Variants in CNTLN observed in about 807,000 individuals in gnomAD.
CNTLN encodes the protein centlein, also known as centlein, centrosomal protein.
CNTLN carries 212 observed loss-of-function variants against 180.0 expected under a neutral mutation model. The ratio of observed to expected loss-of-function variants is 1.18; its 90% CI spans 1.05 to 1.32. CNTLN has a LOEUF of 1.32. Among genes scored for constraint, CNTLN ranks in the 40% most tolerant of loss-of-function variants. The pLI is 0.00. For missense variants in CNTLN, 2,095 were observed against 1,610.9 expected, an observed-to-expected ratio of 1.30 and a Z score of -5.14; for synonymous variants, 722 against 563.1, an observed-to-expected ratio of 1.28 and a Z score of -3.99.
rs57960408 is a variant in CNTLN at position 17,202,646 on chromosome 9, G to GTT, written c.450-23534_450-23533dup. On this transcript the variant is annotated intron_variant, in intron 2 of 25. Coordinates refer to ENST00000380647, the MANE Select transcript of CNTLN (RefSeq NM_017738.4). ...ATCAGAGCCTAGGATTGCAACCTCT[G>GTT]TTTTTTTTTTTTTTTTTTTTTTTTG... 9.2e-3 allele frequency among the ~76,000 whole-genome samples: 654 copies of GTT among 71,306 alleles called. 9 individuals carry two copies. Among genetic ancestry groups the GTT allele is most frequent in the African/African-American group, 0.021 (385 of 18,780 alleles). The allele number at this position is 71,306 out of a possible 152,430, so 46.8% of individuals were successfully genotyped here. A position where few individuals can be genotyped will look rare whatever the true frequency, so the allele number is the denominator to read the frequency against.
intron 2 of CNTLN, among the ~76,000 whole-genome samples, chr9:17,200,095 ATCCTTTTCCCATTGCTTGTTTTTG>A (rs1361956960): frequency 6.6e-6 from 1 of 152,156 alleles, no homozygotes; most frequent in Non-Finnish European, 1.5e-5. Context: ...TAAATAGGGA[ATCCTTTTCCCATTGCTTGTTTTTG>A]TCAGGTTTGG....
At chr9:17,433,457 G>GT (rs1829551884) in intron 18 of CNTLN, among the ~76,000 whole-genome samples, 4 of 151,806 alleles carry the variant, frequency 2.6e-5, no homozygotes, top group Admixed American at 2.6e-4. Flanking sequence ...GCTAATTTTT[G>GT]TATTTTTTAG....
chr9:17,344,712 T>C (rs1821741626), intron 12 of CNTLN, among the ~76,000 whole-genome samples: 1 of 152,202 alleles, frequency 6.6e-6, no homozygotes, highest in African/African-American at 2.4e-5. Context: ...ATCAGTGCTA[T>C]AGTCATTCAA....
chr9:17,373,342 T>C (rs1265960986), intron 13 of CNTLN, among the ~76,000 whole-genome samples: 1 of 152,022 alleles, frequency 6.6e-6, no homozygotes, highest in Non-Finnish European at 1.5e-5. Context: ...GCAAACAATC[T>C]GAAAAAGAAA....
chr9:17,423,835 C>G lies in CNTLN; in HGVS notation c.3114+7646C>G, dbSNP rs1302206995. Among the ~76,000 whole-genome samples, 4 of 152,066 alleles carry G rather than the reference C, an allele frequency of 2.6e-5. No individual in the cohort carries two copies. The East Asian group carries it at 7.7e-4, about 29-fold the overall frequency. ...TGTGACAGGACTTTGCTCTGTCCCC[C>G]AAGCACACAGATTCTCTCTCGGCTC... On this transcript the variant is annotated intron_variant, in intron 18 of 25. Transcript: ENST00000380647.
intron 8 of CNTLN, among the ~76,000 whole-genome samples, chr9:17,329,358 A>G (rs1820498389): frequency 6.6e-6 from 1 of 152,130 alleles, no homozygotes; most frequent in East Asian, 1.9e-4. Context: ...AAAGTTGTAC[A>G]ACGATTAAAA....
At chr9:17,240,137 G>A (rs1335229126) in intron 5 of CNTLN, among the ~76,000 whole-genome samples, 1 of 151,948 alleles carries the variant, frequency 6.6e-6, no homozygotes, top group African/African-American at 2.4e-5. Flanking sequence ...AATTTTTTCA[G>A]TTGTTTTGTA....
At chr9:17,519,400 G>T in the CNTLN span, among the ~76,000 whole-genome samples, 1 of 152,206 alleles carries the variant, frequency 6.6e-6, no homozygotes, top group Middle Eastern at 3.4e-3. Context: ...CTCCAATAAT[G>T]TTTTAAAATG....
At chr9:17,490,920 G>T (rs900720474) in intron 25 of CNTLN, among the ~76,000 whole-genome samples, 4 of 151,990 alleles carry the variant, frequency 2.6e-5, no homozygotes, top group African/African-American at 7.2e-5. Flanking sequence ...ATGAGTAAAT[G>T]ATATAAATAT....
chr9:17,290,611 G>A (rs1230104198), intron 6 of CNTLN, among the ~76,000 whole-genome samples: 7 of 142,148 alleles, frequency 4.9e-5, no homozygotes, highest in Admixed American at 2.8e-4. Context: ...CCCCAGCCTG[G>A]CTGCCGCCTT....
chr9:17,242,397 C>T (rs1825549914), intron 5 of CNTLN, among the ~76,000 whole-genome samples: 1 of 152,150 alleles, frequency 6.6e-6, no homozygotes, highest in Non-Finnish European at 1.5e-5. Flanking sequence ...GCAACCTCCA[C>T]CTCCTGGGTT....
intron 8 of CNTLN, among the ~76,000 whole-genome samples, chr9:17,322,754 T>A (rs1026542149): frequency 5.3e-5 from 8 of 152,062 alleles, no homozygotes; most frequent in African/African-American, 1.9e-4. Context: ...AAATTTCTCA[T>A]GGAGTAAAGA....
At chr9:17,507,801 C>T (rs1056782811), downstream of CNTLN, among the ~76,000 whole-genome samples, 9 of 152,124 alleles carry the variant, frequency 5.9e-5, no homozygotes, top group Non-Finnish European at 1.5e-5. Flanking sequence ...AACACTTCTG[C>T]GCATAGTCCA....
At chr9:17,322,253 A>T (rs1352822738) in intron 8 of CNTLN, among the ~76,000 whole-genome samples, 4 of 152,146 alleles carry the variant, frequency 2.6e-5, no homozygotes, top group Non-Finnish European at 5.9e-5. Flanking sequence ...TATGATTTTT[A>T]GCCTTAATAA....
intron 5 of CNTLN, among the ~76,000 whole-genome samples, chr9:17,239,754 C>T (rs1221067395): frequency 6.6e-6 from 1 of 152,046 alleles, no homozygotes; most frequent in East Asian, 1.9e-4. Flanking sequence ...TGTCTTGATA[C>T]CATTATTGAA....
intron 15 of CNTLN, among the ~76,000 whole-genome samples, chr9:17,405,251 T>C (rs570619345): frequency 2.0e-5 from 3 of 151,894 alleles, no homozygotes; most frequent in Middle Eastern, 3.4e-3. Flanking sequence ...CCTCAGTCTC[T>C]CAATTTTTAA....
chr9:17,393,699 T>A (rs1826281613), intron 14 of CNTLN, among the ~76,000 whole-genome samples: 1 of 152,178 alleles, frequency 6.6e-6, no homozygotes, highest in African/African-American at 2.4e-5. Context: ...AATAGTAAAA[T>A]GTACTTTACA....
intron 5 of CNTLN, among the ~76,000 whole-genome samples, chr9:17,251,588 T>G (rs1826145600): frequency 6.6e-6 from 1 of 151,954 alleles, no homozygotes; most frequent in African/African-American, 2.4e-5. Context: ...GTGTGTGTAT[T>G]TTGTTCCTTT....
intron 20 of CNTLN, among the ~76,000 whole-genome samples, chr9:17,463,952 CA>C (rs1409967820): frequency 6.6e-6 from 1 of 151,378 alleles, no homozygotes; most frequent in African/African-American, 2.4e-5. Flanking sequence ...GCAGCAGCAG[CA>C]GCAGTAGCAG....
Sources: allele counts gnomAD v4.1 joint callset (sites outside exome capture counted in the v4.1 genomes callset), GRCh38; gene constraint gnomAD v4.1.1; transcripts MANE v1.5; gene names NCBI Gene and HGNC (gene_info 2026-07-23, HGNC 2026-07-21).